ZNF91: variants seen among roughly 807,000 people sequenced by gnomAD.
ZNF91 encodes zinc finger protein 91, also known as zinc finger protein 91 (HPF7, HTF10).
In ZNF91, 7 loss-of-function variants were observed where a neutral mutation model predicts 12.6. The ratio of observed to expected loss-of-function variants is 0.55; its 90% confidence interval spans 0.31 to 1.04. ZNF91 has a LOEUF of 1.04. ZNF91 is among the 50% of genes least tolerant of loss of function. ZNF91 has a pLI of 0.05. For missense variants in ZNF91, 1,217 were observed against 1,385.4 expected (o/e 0.88, Z 1.93); for synonymous variants, 453 against 462.6 (o/e 0.98, Z 0.27).
intron 3 of ZNF91, among the ~76,000 whole-genome samples, chr19:23,346,098 A>AC (rs1968224928): frequency 6.6e-6 from 1 of 152,166 alleles, no homozygotes; most frequent in African/African-American, 2.4e-5. Context: ...ACATGTTGTT[A>AC]GAGTTCACAT....
Position 23,388,559 on chromosome 19 carries a change from G to GAAA in ZNF91, c.30+6765_30+6766insTTT, listed in dbSNP as rs760938985. Among the ~76,000 whole-genome samples, 212 of 152,242 alleles carry GAAA rather than the reference G, an allele frequency of 1.4e-3. 1 individual carries two copies. Among genetic ancestry groups the GAAA allele is most frequent in the South Asian group, 3.5e-3 (17 of 4,820 alleles). On this transcript the variant is annotated intron_variant, in intron 1 of 3. Transcript: ENST00000300619. The stretch of plus-strand genomic sequence containing the variant: ...TGCCCTTTATAGCAACATGAAGCTG[G>GAAA]AGACCATTATTCTTGGAAAACCAAT...
intron 3 of ZNF91, among the ~76,000 whole-genome samples, chr19:23,341,520 AAAGC>A (rs1968123659): frequency 1.3e-5 from 2 of 152,234 alleles, no homozygotes; most frequent in African/African-American, 4.8e-5. Flanking sequence ...ATTCAAAGCA[AAAGC>A]AAGTATAATA....
intron 1 of ZNF91, among the ~76,000 whole-genome samples, chr19:23,317,559 G>A (rs187661759): frequency 1.3e-5 from 2 of 152,324 alleles, no homozygotes; most frequent in East Asian, 1.9e-4. Context: ...CACAGCACAG[G>A]TGAGATTTTG....
intron 3 of ZNF91, among the ~76,000 whole-genome samples, chr19:23,345,369 T>C (rs1378438734): frequency 6.6e-6 from 1 of 152,164 alleles, no homozygotes; most frequent in Non-Finnish European, 1.5e-5. Flanking sequence ...TACAATTCAA[T>C]CTGGCCACAA....
chr19:23,377,603 G>A (rs1488173238), intron 1 of ZNF91, among the ~76,000 whole-genome samples: 1 of 152,180 alleles, frequency 6.6e-6, no homozygotes, highest in Non-Finnish European at 1.5e-5. Context: ...ATGAGGCACA[G>A]CACAGAGTCC....
At chr19:23,341,751 C>A (rs1679095179) in intron 3 of ZNF91, among the ~76,000 whole-genome samples, 1 of 152,072 alleles carries the variant, frequency 6.6e-6, no homozygotes, top group Admixed American at 6.5e-5. Flanking sequence ...CATTCATGTT[C>A]CTGTGATTTC....
At chr19:23,391,387 A>G (rs1425044792) in intron 1 of ZNF91, among the ~76,000 whole-genome samples, 1 of 152,186 alleles carries the variant, frequency 6.6e-6, no homozygotes, top group Non-Finnish European at 1.5e-5. Flanking sequence ...GTTTATCCTA[A>G]GAACATGCTG....
intron 1 of ZNF91, among the ~76,000 whole-genome samples, chr19:23,394,372 G>A (rs959390940): frequency 6.6e-6 from 1 of 152,170 alleles, no homozygotes; most frequent in Non-Finnish European, 1.5e-5. Flanking sequence ...TTAGGCTTAA[G>A]CAACTATAAA....
In ZNF91 at chr19:23,361,021, G is replaced by A. The variant is rs1426317553; in HGVS notation, c.1958C>T (p.Thr653Ile). 1.2e-6 allele frequency: 2 copies of A among 1,603,090 alleles called. No individual in the cohort carries two copies. The highest frequency in any genetic ancestry group is 1.3e-5 in the African/African-American group (1 of 74,492). ...TTTACATTTGTAGGGTTTCTCTCCA[G>A]TATGAATTCTCTTATGTTTAGCAAG... ...SALAKHKRIH[T>I]GEKPYKCKEC... is the part of the protein sequence containing the mutation. The change falls in exon 4 of 4, where the codon ACT becomes ATT. Residue 653 changes from threonine to isoleucine, a missense_variant. Physicochemically the swap from Thr to Ile is moderately conservative, Grantham distance 89. Coordinates refer to ENST00000300619, the MANE Select transcript of ZNF91 (RefSeq NM_003430.4).
rs1288798248 is a variant in ZNF91 at position 23,307,326 on chromosome 19, C to T, written n.267G>A. 5.9e-5 allele frequency: 9 copies of T among 151,968 alleles called. 1 individual carries two copies. The South Asian group carries it at 1.0e-3, about 18-fold the overall frequency. The allele number at this position is 151,968 out of a possible 1,614,324, so 9.4% of individuals were successfully genotyped here. A position where few individuals can be genotyped will look rare whatever the true frequency, so the allele number is the denominator to read the frequency against. On this transcript the variant is annotated non_coding_transcript_exon_variant, in exon 3 of 4. Coordinates refer to the ZNF91 transcript ENST00000593292. Reference sequence around the variant, plus strand: ...ACTCTGCTCTCTTACCCGAGCATTGCCCAAAAAAGAGATTGGGGCCTATCT... The same window carrying T: ...ACTCTGCTCTCTTACCCGAGCATTGTCCAAAAAAGAGATTGGGGCCTATCT...
At chr19:23,380,528 G>A (rs1969674118) in intron 1 of ZNF91, 2 of 151,936 alleles carry the variant, frequency 1.3e-5, no homozygotes, top group African/African-American at 4.8e-5. Context: ...TACTAATAGG[G>A]TTTCTAAAAC....
intron 1 of ZNF91, chr19:23,325,521 T>A (rs1036120664): frequency 6.6e-6 from 1 of 152,346 alleles, no homozygotes; most frequent in East Asian, 1.9e-4. Context: ...AGTGATCTTT[T>A]GTCATCTTGA....
rs1968677233 is a variant in ZNF91 at position 23,360,262 on chromosome 19, CT to C, written c.2716del (p.Arg906GlufsTer53). 6.2e-7 allele frequency: 1 copy of C among 1,613,798 alleles called. No individual in the cohort carries two copies. Among genetic ancestry groups the C allele is most frequent in the Non-Finnish European group, 8.5e-7 (1 of 1,179,882 alleles). ...TTCTTCACATTTGTAGGTTTTCTCT[CT>C]GGTATGAATTCTCTTATGTTCAGTA... ...TLTEHKRIHT[R>X]EKTYKCEECG... On this transcript the variant is annotated frameshift_variant, in exon 4 of 4. Transcript: ENST00000300619. LOFTEE classifies it low-confidence loss of function (END_TRUNC).
chr19:23,333,947 C>G (rs1967964263), downstream of ZNF91, among the ~76,000 whole-genome samples: 1 of 152,104 alleles, frequency 6.6e-6, no homozygotes, highest in African/African-American at 2.4e-5. Context: ...ACACCTGGTA[C>G]CAGGCTGCGG....
rs1228280676 is a variant in ZNF91 at position 23,375,843 on chromosome 19, AGT to A, written c.31-1081_31-1080del. Among the ~76,000 whole-genome samples, 9 of 152,236 alleles carry A rather than the reference AGT, an allele frequency of 5.9e-5. No individual in the cohort carries two copies. The East Asian group carries it at 1.3e-3, about 23-fold the overall frequency. On this transcript the variant is annotated intron_variant, in intron 1 of 3. Coordinates refer to ENST00000300619, the MANE Select transcript of ZNF91 (RefSeq NM_003430.4). ...AATCTGTAAGAGAGCTTATTAAGCA[AGT>A]GAGTTATTAATACCAATTGCACTAG... is the stretch of plus-strand genomic sequence containing the variant.
At chr19:23,357,216 G>T (rs2145040896), downstream of ZNF91, among the ~76,000 whole-genome samples, 2 of 150,870 alleles carry the variant, frequency 1.3e-5, no homozygotes, top group African/African-American at 4.9e-5. Flanking sequence ...GAAAGATTAA[G>T]ACTCTGTCTC....
At chr19:23,317,572 T>A (rs1371101395) in intron 1 of ZNF91, among the ~76,000 whole-genome samples, 2 of 152,172 alleles carry the variant, frequency 1.3e-5, no homozygotes, top group African/African-American at 2.4e-5. Flanking sequence ...AGATTTTGAC[T>A]CTTGTATGCA....
chr19:23,346,472 A>C (rs1968234654), intron 3 of ZNF91, among the ~76,000 whole-genome samples: 1 of 152,128 alleles, frequency 6.6e-6, no homozygotes, highest in African/African-American at 2.4e-5. Flanking sequence ...AAAGCGGTAA[A>C]CTATGAAAAA....
intron 1 of ZNF91, among the ~76,000 whole-genome samples, chr19:23,320,494 A>G (rs1221094012): frequency 1.3e-5 from 2 of 152,188 alleles, no homozygotes; most frequent in Non-Finnish European, 1.5e-5. Flanking sequence ...TGGCAGAAGG[A>G]GAATCAGGAA....
Sources: gnomAD v4.1 joint callset for allele counts (sites outside exome capture counted in the v4.1 genomes callset) on GRCh38, gnomAD v4.1.1 for gene constraint, MANE v1.5 for transcripts, NCBI Gene and HGNC (gene_info 2026-07-23, HGNC 2026-07-21) for gene names.